The following TNN variants were observed in gnomAD, a reference collection of about 807,000 sequenced individuals.
The protein encoded by TNN is tenascin N, also known as tenascin-N.
A neutral mutation model predicts 134.4 loss-of-function variants in TNN; 122 were observed. The ratio of observed to expected loss-of-function variants is 0.91; its 90% confidence interval spans 0.78 to 1.06. TNN has a LOEUF of 1.06. TNN is among the 50% of genes least tolerant of loss of function. The pLI is 0.00. For synonymous variants in TNN, 710 were observed against 670.3 expected (o/e 1.06, Z -0.91); for missense variants, 1,739 against 1,699.4 (o/e 1.02, Z -0.41).
intron 8 of TNN, 107 bp downstream of exon 8, chr1:175,097,790 T>A (rs1674609611): frequency 6.9e-7 from 1 of 1,451,196 alleles, no homozygotes; most frequent in African/African-American, 1.4e-5. Context: ...CAATTAGAAG[T>A]CTTAAAGATG....
chr1:175,081,056 A>G (rs1240200028), intron 4 of TNN, among the ~76,000 whole-genome samples: 1 of 152,190 alleles, frequency 6.6e-6, no homozygotes, highest in African/African-American at 2.4e-5. Flanking sequence ...CGTGTCTCCA[A>G]AGAATTCTGT....
chr1:175,098,324 C>T lies in TNN; in HGVS notation c.1856-8C>T. The T allele has an allele frequency of 6.2e-7, 1 of 1,614,154 alleles. No homozygotes were observed. Among genetic ancestry groups the T allele is most frequent in the Non-Finnish European group, 8.5e-7 (1 of 1,180,012 alleles). Reference sequence around the variant, plus strand: ...GAGCTTAAACCTTTCCAAACATTTTCCTTCCAGATATTGACAGCCCCAAAA... The same window carrying T: ...GAGCTTAAACCTTTCCAAACATTTTTCTTCCAGATATTGACAGCCCCAAAA... On this transcript the variant is annotated splice_region_variant and splice_polypyrimidine_tract_variant and intron_variant, in intron 8 of 18. Transcript: ENST00000239462.
chr1:175,113,692 T>A (rs922062117), intron 9 of TNN, among the ~76,000 whole-genome samples: 1 of 152,198 alleles, frequency 6.6e-6, no homozygotes, highest in Non-Finnish European at 1.5e-5. Flanking sequence ...ACTCCTGTAA[T>A]ATGAATATTT....
chr1:175,109,961 C>T (rs946168989), intron 9 of TNN, among the ~76,000 whole-genome samples: 5 of 152,052 alleles, frequency 3.3e-5, no homozygotes, highest in Admixed American at 2.0e-4. Flanking sequence ...TACTAATTGC[C>T]ATTCCCACCA....
intron 17 of TNN, 73 bp downstream of exon 17, chr1:175,137,061 A>G (rs1186653980): frequency 2.7e-6 from 4 of 1,488,136 alleles, no homozygotes; most frequent in African/African-American, 2.8e-5. Context: ...GCCGTGTGCC[A>G]CTGATCTGGG....
chr1:175,130,461 C>CCTG (rs1675650082), intron 15 of TNN, among the ~76,000 whole-genome samples: 1 of 152,200 alleles, frequency 6.6e-6, no homozygotes, highest in Non-Finnish European at 1.5e-5. Context: ...TAGGGCTGTA[C>CCTG]CTGCTGCTTT....
intron 6 of TNN, among the ~76,000 whole-genome samples, 197 bp downstream of exon 6, chr1:175,085,691 A>G (rs965175463): frequency 2.0e-5 from 3 of 152,084 alleles, no homozygotes; most frequent in Non-Finnish European, 4.4e-5. Context: ...CCTGACCAAC[A>G]TGGAGAAACC....
chr1:175,135,813 G>C, intron 15 of TNN, 32 bp from the exon 16 acceptor site: 5 of 1,551,974 alleles, frequency 3.2e-6, no homozygotes, highest in Middle Eastern at 3.4e-4. Flanking sequence ...CTGTTTGGAG[G>C]GTCAGAGTGA....
At position 175,140,703 on chromosome 1, in the gene TNN, T is replaced by G. The variant is rs574253111; in HGVS notation, c.3596-3684T>G. Among the ~76,000 whole-genome samples the G allele has an allele frequency of 7.2e-5, 11 of 152,380 alleles. No homozygotes were observed. In the East Asian group the frequency reaches 1.5e-3, roughly 21 times the overall value. ...AGCAAGTAGAGGATGTATTTTTTAA[T>G]AGAATTATTTTTTAATAGGAGACTT... On this transcript the variant is annotated intron_variant, in intron 17 of 18. Transcript: ENST00000239462.
rs1272818447 is a variant in TNN at position 175,144,414 on chromosome 1, G to A, written c.3623G>A (p.Trp1208Ter). ...AGDALTYHNG[W>*]KFTTFDRDND... ...GATGCTCTTACTTACCACAATGGAT[G>A]GAAGTTTACAACTTTTGACAGAGAC... Residue 1208 changes from tryptophan to a stop codon, truncating the protein, a stop_gained, in exon 18 of 19, where the codon TGG (tryptophan) becomes TAG (stop). Transcript: ENST00000239462. LOFTEE classifies it high-confidence loss of function. 1.2e-6 allele frequency: 2 copies of A among 1,614,098 alleles called. No individual in the cohort carries two copies. The highest frequency in any genetic ancestry group is 2.2e-5 in the East Asian group (1 of 44,876).
chr1:175,117,901 G>C (rs1351336419), intron 10 of TNN, among the ~76,000 whole-genome samples: 1 of 152,184 alleles, frequency 6.6e-6, no homozygotes, highest in Non-Finnish European at 1.5e-5. Flanking sequence ...TTATTTTAGT[G>C]GAAGCGATAT....
chr1:175,113,104 G>T (rs1675078917), intron 9 of TNN, among the ~76,000 whole-genome samples: 1 of 152,090 alleles, frequency 6.6e-6, no homozygotes, highest in Non-Finnish European at 1.5e-5. Flanking sequence ...TAGTACTGAG[G>T]CTTGATCCTT....
At chr1:175,086,603 G>A (rs1339831202) in intron 6 of TNN, among the ~76,000 whole-genome samples, 1 of 152,182 alleles carries the variant, frequency 6.6e-6, no homozygotes, top group Non-Finnish European at 1.5e-5. Flanking sequence ...TTCCAATTCA[G>A]TCCTGGAAAT....
chr1:175,116,357 A>G (rs563709170), intron 9 of TNN, among the ~76,000 whole-genome samples: 9 of 152,164 alleles, frequency 5.9e-5, no homozygotes, highest in Non-Finnish European at 1.3e-4. Context: ...CCTTTGCTAC[A>G]TATCATTTTT....
At chr1:175,125,866 TTCTTTCTTTCTTTTCTTTTTTTC>T in intron 12 of TNN, among the ~76,000 whole-genome samples, 1 of 141,354 alleles carries the variant, frequency 7.1e-6, no homozygotes, top group Non-Finnish European at 1.5e-5. Flanking sequence ...TTTTTTCTTT[TTCTTTCTTTCTTTTCTTTTTTTC>T]TTTCTTTCTC....
intron 4 of TNN, 142 bp downstream of exon 4, chr1:175,080,568 CA>C: frequency 9.5e-7 from 1 of 1,050,644 alleles, no homozygotes; most frequent in Non-Finnish European, 1.4e-6. Flanking sequence ...TGAAGAGTCC[CA>C]GTTCTCTCTC....
chr1:175,136,575 A>G (rs1675817660), intron 16 of TNN, among the ~76,000 whole-genome samples: 1 of 152,162 alleles, frequency 6.6e-6, no homozygotes, highest in South Asian at 2.1e-4. Flanking sequence ...GGATGGAGCC[A>G]ATGGAGGCAG....
rs779995381 is a variant in TNN at position 175,127,023 on chromosome 1, C to T, written c.2983C>T (p.Pro995Ser). 1 of 1,614,084 alleles carries T rather than the reference C, an allele frequency of 6.2e-7. No individual in the cohort carries two copies. The highest frequency in any genetic ancestry group is 1.1e-5 in the South Asian group (1 of 91,078). ...TQSGGILTWT[P>S]PSAQIHGYIL... is the part of the protein sequence containing the mutation. ...GTCTGGTGGCATATTGACCTGGACG[C>T]CCCCCTCTGCTCAGATCCACGGCTA... is the stretch of plus-strand genomic sequence containing the variant. The change falls in exon 13 of 19, where the codon CCC becomes TCC. Residue 995 changes from proline (P) to serine (S), a missense_variant. By Grantham distance (74) the Pro-to-Ser change is moderately conservative. Transcript: ENST00000239462.
At chr1:175,139,038 T>G (rs959203094) in intron 17 of TNN, among the ~76,000 whole-genome samples, 4 of 152,166 alleles carry the variant, frequency 2.6e-5, no homozygotes, top group African/African-American at 9.7e-5. Context: ...GGGTACTTAC[T>G]ATGAATGGAG....
Sources: allele counts gnomAD v4.1 joint callset (sites outside exome capture counted in the v4.1 genomes callset), GRCh38; gene constraint gnomAD v4.1.1; transcripts MANE v1.5; gene names NCBI Gene and HGNC (gene_info 2026-07-23, HGNC 2026-07-21).